The following TPRG1 variants were observed in gnomAD, a reference collection of about 807,000 sequenced individuals.
TPRG1 encodes the protein tumor protein p63 regulated 1, also known as tumor protein p63-regulated gene 1 protein.
A neutral mutation model predicts 29.3 loss-of-function variants in TPRG1; 29 were observed. The observed-to-expected ratio is 0.99, with a 90% CI of 0.74 to 1.35. TPRG1 has a LOEUF of 1.35. TPRG1 is among the 40% of genes most tolerant of loss of function. The pLI is 0.00. For synonymous variants in TPRG1, 130 were observed against 116.8 expected, an observed-to-expected ratio of 1.11 and a Z score of -0.73; for missense variants, 327 against 335.0, an observed-to-expected ratio of 0.98 and a Z score of 0.19.
At chr3:189,171,367 A>C (rs1728791374), upstream of TPRG1, among the ~76,000 whole-genome samples, 1 of 152,266 alleles carries the variant, frequency 6.6e-6, no homozygotes, top group Non-Finnish European at 1.5e-5. Context: ...ATGGATCATC[A>C]TTAATTCAAT....
At chr3:189,059,598 AC>A (rs1159265573) in intron 4 of TPRG1, among the ~76,000 whole-genome samples, 2 of 152,028 alleles carry the variant, frequency 1.3e-5, no homozygotes, top group African/African-American at 4.8e-5. Context: ...TCTTAAAAAA[AC>A]AAAAACAAAA....
chr3:189,136,003 A>G (rs1428214625), intron 3 of TPRG1, among the ~76,000 whole-genome samples: 1 of 152,152 alleles, frequency 6.6e-6, no homozygotes, highest in Non-Finnish European at 1.5e-5. Flanking sequence ...TGAATCTATT[A>G]TAATATCTAA....
intron 1 of TPRG1, among the ~76,000 whole-genome samples, chr3:189,201,539 C>T (rs1338549864): frequency 6.6e-6 from 1 of 152,156 alleles, no homozygotes; most frequent in Admixed American, 6.5e-5. Flanking sequence ...TGACATGGCT[C>T]TTGTGAAGAG....
At chr3:189,117,146 C>T (rs897089369) in intron 1 of TPRG1, among the ~76,000 whole-genome samples, 2 of 151,926 alleles carry the variant, frequency 1.3e-5, no homozygotes, top group Admixed American at 6.6e-5. Flanking sequence ...TTTATTGGGA[C>T]TTATAATCTC....
chr3:189,211,591 C>T (rs1225187005), intron 2 of TPRG1: 2 of 152,158 alleles, frequency 1.3e-5, no homozygotes, highest in Non-Finnish European at 2.9e-5. Context: ...CCTCAGGCTT[C>T]CAACCTATTA....
chr3:189,044,591 C>G (rs1714848425), intron 4 of TPRG1, among the ~76,000 whole-genome samples: 1 of 150,262 alleles, frequency 6.7e-6, no homozygotes, highest in Non-Finnish European at 1.5e-5. Flanking sequence ...CTTTGAAGGA[C>G]AGTTCTGTAT....
At chr3:189,128,937 A>G (rs1048221613) in intron 2 of TPRG1, among the ~76,000 whole-genome samples, 3 of 152,106 alleles carry the variant, frequency 2.0e-5, no homozygotes, top group Admixed American at 6.5e-5. Context: ...ACCCGGCCCA[A>G]CTCAGTTATC....
chr3:189,218,738 C>T (rs907666182), intron 3 of TPRG1, among the ~76,000 whole-genome samples: 2 of 152,154 alleles, frequency 1.3e-5, no homozygotes, highest in African/African-American at 4.8e-5. Flanking sequence ...ATATAAGTGA[C>T]AGAGCAAGGA....
chr3:189,005,251 A>C (rs1455602511), intron 3 of TPRG1, among the ~76,000 whole-genome samples: 2 of 152,114 alleles, frequency 1.3e-5, no homozygotes, highest in East Asian at 3.9e-4. Flanking sequence ...ACTCATAGAA[A>C]ATGTTTTTTG....
chr3:189,293,153 C>T lies in TPRG1; in HGVS notation c.480-17233C>T, dbSNP rs533503243. On this transcript the variant is annotated intron_variant, in intron 4 of 5. Transcript: ENST00000345063. ...GATGCCAGATTATGGGGAGAGATTC[C>T]GTACCACCCATGTCTGTTTTGTTGT... Among the ~76,000 whole-genome samples the T allele has an allele frequency of 5.3e-5, 8 of 152,262 alleles. No homozygotes were observed. The East Asian group carries it at 5.8e-4, about 11-fold the overall frequency.
At chr3:189,056,863 C>T (rs1715731072) in intron 4 of TPRG1, among the ~76,000 whole-genome samples, 1 of 152,160 alleles carries the variant, frequency 6.6e-6, no homozygotes, top group African/African-American at 2.4e-5. Context: ...AAAATGATGG[C>T]TGGTGCTTTG....
At chr3:189,044,777 A>C (rs1379238579) in intron 4 of TPRG1, among the ~76,000 whole-genome samples, 1 of 152,318 alleles carries the variant, frequency 6.6e-6, no homozygotes, top group African/African-American at 2.4e-5. Context: ...CTTGAATGAC[A>C]GAATTTTTGG....
chr3:189,230,899 C>G (rs1738535089), intron 3 of TPRG1, among the ~76,000 whole-genome samples: 1 of 152,132 alleles, frequency 6.6e-6, no homozygotes. Flanking sequence ...CACTTTTCAG[C>G]TATTAATATC....
chr3:189,310,361 C>G (rs763366091), intron 4 of TPRG1, 25 bp from the exon 5 acceptor site: 17 of 1,523,552 alleles, frequency 1.1e-5, no homozygotes, highest in Non-Finnish European at 1.5e-5. Flanking sequence ...AATGACTAAT[C>G]TAATGGAAAA....
At chr3:189,230,199 A>C (rs79429132) in intron 3 of TPRG1, among the ~76,000 whole-genome samples, 1,634 of 152,272 alleles carry the variant, frequency 0.011, 17 homozygotes, top group African/African-American at 0.038. Context: ...GTAGCATTTA[A>C]AATATCCTCT....
chr3:189,139,016 T>C (rs892715303), intron 3 of TPRG1, among the ~76,000 whole-genome samples: 14 of 152,238 alleles, frequency 9.2e-5, no homozygotes, highest in African/African-American at 3.1e-4. Flanking sequence ...AAAAAATCAC[T>C]GTAGCTCAGC....
chr3:189,209,011 T>G (rs958685293), intron 2 of TPRG1, among the ~76,000 whole-genome samples: 1 of 152,204 alleles, frequency 6.6e-6, no homozygotes, highest in African/African-American at 2.4e-5. Context: ...AAAAATTGCA[T>G]GGACAAACTG....
intron 1 of TPRG1, among the ~76,000 whole-genome samples, chr3:189,105,335 T>G (rs956950849): frequency 3.9e-5 from 6 of 152,124 alleles, no homozygotes; most frequent in African/African-American, 1.4e-4. Flanking sequence ...TATATGGCCC[T>G]CAGATGGAAT....
intron 3 of TPRG1, among the ~76,000 whole-genome samples, chr3:189,231,265 C>CATATAT (rs149177739): frequency 0.19 from 27,891 of 144,016 alleles, 2,834 homozygotes; most frequent in South Asian, 0.38. Flanking sequence ...ACCTATAAAA[C>CATATAT]ATATATATAT....
Sources: gnomAD v4.1 joint callset for allele counts (sites outside exome capture counted in the v4.1 genomes callset) on GRCh38, gnomAD v4.1.1 for gene constraint, MANE v1.5 for transcripts, NCBI Gene and HGNC (gene_info 2026-07-23, HGNC 2026-07-21) for gene names.